BMAL1: variants seen among roughly 807,000 people sequenced by gnomAD.
BMAL1 encodes basic helix-loop-helix ARNT-like protein 1.
the BMAL1 span, among the ~76,000 whole-genome samples, chr11:13,302,648 C>A: frequency 6.6e-6 from 1 of 152,174 alleles, no homozygotes; most frequent in Non-Finnish European, 1.5e-5. Flanking sequence ...CAAGAGGCCT[C>A]TCTCTTTTCT....
At chr11:13,330,896 TAAA>T in the BMAL1 span, among the ~76,000 whole-genome samples, 1 of 152,230 alleles carries the variant, frequency 6.6e-6, no homozygotes, top group African/African-American at 2.4e-5. Context: ...TGAAGAGACA[TAAA>T]CCCAGTGCTT....
the BMAL1 span, chr11:13,385,832 C>T: frequency 2.8e-6 from 4 of 1,451,540 alleles, no homozygotes; most frequent in Non-Finnish European, 2.9e-6. Context: ...AATGAGCTTG[C>T]AAAACATCTT....
At chr11:13,281,624 C>CT in the BMAL1 span, among the ~76,000 whole-genome samples, 8 of 152,148 alleles carry the variant, frequency 5.3e-5, no homozygotes, top group African/African-American at 1.9e-4. Context: ...ATCCTCCTGC[C>CT]TCAGCCTCCA....
the BMAL1 span, among the ~76,000 whole-genome samples, chr11:13,372,727 C>T: frequency 2.0e-5 from 3 of 152,102 alleles, no homozygotes; most frequent in African/African-American, 7.2e-5. Flanking sequence ...GGAGGATCAG[C>T]TGAGCCTCGG....
the BMAL1 span, chr11:13,356,251 T>C: frequency 8.2e-4 from 377 of 457,444 alleles, 3 homozygotes; most frequent in Non-Finnish European, 1.1e-3. Flanking sequence ...CTCAGTACTT[T>C]GTTGGTACTT....
At chr11:13,369,472 A>T in the BMAL1 span, 1 of 910,090 alleles carries the variant, frequency 1.1e-6, no homozygotes, top group Non-Finnish European at 1.7e-6. Flanking sequence ...TGCATCTGTT[A>T]AAGCCTAAAC....
At chr11:13,368,971 G>A in the BMAL1 span, among the ~76,000 whole-genome samples, 1 of 152,222 alleles carries the variant, frequency 6.6e-6, no homozygotes, top group East Asian at 1.9e-4. Context: ...GAAATCCTGT[G>A]TGTATTTAAC....
the BMAL1 span, chr11:13,378,620 T>C: frequency 1.2e-6 from 1 of 804,342 alleles, no homozygotes. Flanking sequence ...TTGTTAAACA[T>C]CCTACAGTAA....
At chr11:13,329,608 G>T in the BMAL1 span, among the ~76,000 whole-genome samples, 1 of 152,166 alleles carries the variant, frequency 6.6e-6, no homozygotes, top group Non-Finnish European at 1.5e-5. Flanking sequence ...GTTTCTCTCA[G>T]CGAGAATGTG....
the BMAL1 span, among the ~76,000 whole-genome samples, chr11:13,383,047 A>G: frequency 5.9e-5 from 9 of 152,336 alleles, no homozygotes; most frequent in African/African-American, 2.2e-4. Context: ...CAGGACTTAT[A>G]AGAAAAGCAG....
the BMAL1 span, among the ~76,000 whole-genome samples, chr11:13,324,268 A>G: frequency 3.3e-5 from 5 of 152,298 alleles, no homozygotes; most frequent in East Asian, 9.7e-4. Flanking sequence ...GCTTTCTGGC[A>G]TCTTTGGAAT....
At chr11:13,329,698 C>T in the BMAL1 span, among the ~76,000 whole-genome samples, 1 of 152,204 alleles carries the variant, frequency 6.6e-6, no homozygotes. Context: ...GAGGTCGGGG[C>T]AGTTCCAACT....
the BMAL1 span, among the ~76,000 whole-genome samples, chr11:13,298,683 T>C: frequency 0.074 from 11,291 of 152,128 alleles, 1,390 homozygotes; most frequent in African/African-American, 0.26. Context: ...AGGTAAAGTA[T>C]TGGGTACGGT....
chr11:13,371,324 A>G, the BMAL1 span, among the ~76,000 whole-genome samples: 1 of 151,650 alleles, frequency 6.6e-6, no homozygotes, highest in Non-Finnish European at 1.5e-5. Context: ...GCAACCACCC[A>G]ATCCAGAAAA....
At chr11:13,352,402 A>G in the BMAL1 span, among the ~76,000 whole-genome samples, 1 of 152,334 alleles carries the variant, frequency 6.6e-6, no homozygotes, top group South Asian at 2.1e-4. Context: ...AAAACAGGAC[A>G]TGAGCAGACA....
chr11:13,347,426 C>T, the BMAL1 span, among the ~76,000 whole-genome samples: 8 of 151,974 alleles, frequency 5.3e-5, no homozygotes, highest in Non-Finnish European at 1.0e-4. Flanking sequence ...GCAGAAGTAC[C>T]AAAATCTATA....
the BMAL1 span, among the ~76,000 whole-genome samples, chr11:13,279,385 C>G: frequency 6.6e-6 from 1 of 152,212 alleles, no homozygotes; most frequent in East Asian, 1.9e-4. Context: ...CTGACATCTG[C>G]TGTTGTTCAC....
the BMAL1 span, among the ~76,000 whole-genome samples, chr11:13,306,821 G>T: frequency 8.5e-5 from 13 of 152,268 alleles, no homozygotes; most frequent in Admixed American, 7.8e-4. Context: ...TGGAATGCGA[G>T]TTGATGCTGC....
the BMAL1 span, among the ~76,000 whole-genome samples, chr11:13,312,670 A>G: frequency 7.2e-5 from 11 of 152,146 alleles, no homozygotes; most frequent in East Asian, 1.9e-4. Flanking sequence ...TTTCTCTCCA[A>G]TTACCTCCAG....
Sources: gnomAD v4.1 joint callset for allele counts (sites outside exome capture counted in the v4.1 genomes callset) on GRCh38, gnomAD v4.1.1 for gene constraint, MANE v1.5 for transcripts, NCBI Gene and HGNC (gene_info 2026-07-23, HGNC 2026-07-21) for gene names.